Variants in TANGO2 observed in about 807,000 individuals in gnomAD.
The protein encoded by TANGO2 is transport and golgi organization 2 homolog.
Under a neutral mutation model 39.1 loss-of-function variants are expected in TANGO2, and 26 were observed. The observed-to-expected ratio is 0.67, with a 90% CI of 0.49 to 0.92. The LOEUF (loss-of-function observed/expected upper bound fraction) is 0.92, where lower values mean the gene tolerates loss of function less well. Among genes scored for constraint, TANGO2 ranks in the 40% least tolerant of loss-of-function variants. The probability of loss-of-function intolerance (pLI) is 0.00; values close to 1 mark genes in which losing one functional copy is unlikely to be tolerated. For missense variants in TANGO2, 326 were observed against 360.1 expected, an observed-to-expected ratio of 0.91 and a Z score of 0.77; for synonymous variants, 131 against 144.5, an observed-to-expected ratio of 0.91 and a Z score of 0.67.
chr22:20,044,183 G>A (rs2044609865), intron 3 of TANGO2, among the ~76,000 whole-genome samples: 1 of 152,184 alleles, frequency 6.6e-6, no homozygotes, highest in Non-Finnish European at 1.5e-5. Flanking sequence ...CAGGCCAGAT[G>A]TGTGACCTCG....
At chr22:20,036,154 A>G (rs1442055980) in intron 1 of TANGO2, among the ~76,000 whole-genome samples, 1 of 152,194 alleles carries the variant, frequency 6.6e-6, no homozygotes, top group African/African-American at 2.4e-5. Flanking sequence ...AAAATACAGC[A>G]AGACAAGCCC....
Position 20,028,479 on chromosome 22 carries a change from C to T in TANGO2, c.-40+7233C>T, listed in dbSNP as rs564507240. ...AGAATGTGCTCCTGGGTGACCTGAGCGATGGTATTAACAACTATGGGTCCC... is the reference window on the plus strand; with the variant it reads ...AGAATGTGCTCCTGGGTGACCTGAGTGATGGTATTAACAACTATGGGTCCC... On this transcript the variant is annotated intron_variant, in intron 1 of 8. Coordinates refer to ENST00000327374, the MANE Select transcript of TANGO2 (RefSeq NM_152906.7). Among the ~76,000 whole-genome samples the T allele has an allele frequency of 7.2e-5, 11 of 152,310 alleles. 1 individual carries two copies. Among genetic ancestry groups the T allele is most frequent in the East Asian group, 3.9e-4 (2 of 5,190 alleles).
intron 1 of TANGO2, among the ~76,000 whole-genome samples, chr22:20,021,494 G>A (rs1419163570): frequency 7.9e-5 from 12 of 152,212 alleles, no homozygotes; most frequent in Admixed American, 7.8e-4. Flanking sequence ...GTCCCTGCAG[G>A]GTGTGTGGGC....
chr22:20,027,714 CCTT>C (rs2041049416), intron 1 of TANGO2, among the ~76,000 whole-genome samples: 1 of 152,212 alleles, frequency 6.6e-6, no homozygotes, highest in East Asian at 1.9e-4. Context: ...CTCGAGCAAT[CCTT>C]CTGCCTCAGC....
chr22:20,061,709 G>C, intron 7 of TANGO2, 26 bp downstream of exon 7: 1 of 1,524,624 alleles, frequency 6.6e-7, no homozygotes, highest in Non-Finnish European at 8.8e-7. Context: ...CTGCTGGGGT[G>C]AGCCCCAGTG....
chr22:20,042,516 CCGCCTCGGAGGCCG>C (rs1173558856), intron 2 of TANGO2, among the ~76,000 whole-genome samples: 5 of 152,148 alleles, frequency 3.3e-5, no homozygotes, highest in African/African-American at 1.2e-4. Flanking sequence ...CTGTAATCCT[CCGCCTCGGAGGCCG>C]AGGCGGGTAG....
At position 20,052,530 on chromosome 22, in the gene TANGO2, G is replaced by T. The variant is rs1326069726; in HGVS notation, c.211G>T (p.Ala71Ser). 3.1e-6 allele frequency: 5 copies of T among 1,604,624 alleles called. No individual in the cohort carries two copies. The highest frequency in any genetic ancestry group is 8.5e-7 in the Non-Finnish European group (1 of 1,175,982). ...WLGISTRGKL[A>S]ALTNYLQPQL... ...GGGCATCAGCACACGTGGCAAGCTG[G>T]CAGCACTCACCAACTACCTGCAGCC... Residue 71 changes from alanine (A) to serine (S), a missense_variant, in exon 4 of 9, where the codon GCA (alanine) becomes TCA (serine). Ala to Ser is a moderately conservative substitution (Grantham distance 99). Transcript: ENST00000327374.
chr22:20,055,358 C>T (rs2047142721), intron 5 of TANGO2: 1 of 157,278 alleles, frequency 6.4e-6, no homozygotes, highest in African/African-American at 2.4e-5. Flanking sequence ...CTCCTGGCCT[C>T]AAGCAGTCCT....
intron 6 of TANGO2, 147 bp downstream of exon 6, chr22:20,056,160 TTGCCCTGCACC>T: frequency 1.4e-6 from 1 of 733,680 alleles, no homozygotes; most frequent in South Asian, 1.5e-5. Flanking sequence ...TGTGGGCACC[TTGCCCTGCACC>T]TGGACACTTC....
At chr22:20,017,409 C>T (rs772339293), upstream of TANGO2, among the ~76,000 whole-genome samples, 35 of 152,122 alleles carry the variant, frequency 2.3e-4, no homozygotes, top group Non-Finnish European at 4.3e-4. Flanking sequence ...CCTGGGTCCC[C>T]GCAGCGGGGA....
At chr22:20,062,272 G>A (rs2048526021) in intron 7 of TANGO2, among the ~76,000 whole-genome samples, 1 of 152,134 alleles carries the variant, frequency 6.6e-6, no homozygotes, top group Non-Finnish European at 1.5e-5. Flanking sequence ...GGGGGTCCTG[G>A]TGCTTGCCAT....
rs1281106775 is a variant in TANGO2, at chr22:20,066,306, C to T, written c.*1644C>T. 6.6e-6 allele frequency: 1 copy of T among 152,306 alleles called. No homozygotes were observed. Among genetic ancestry groups the T allele is most frequent in the Non-Finnish European group, 1.5e-5 (1 of 68,124 alleles). 9.4% of individuals were successfully genotyped at this position (152,306 alleles called of 1,614,324 possible). ...GCCCCAGGAGCTCCTGGTTTGGGGC[C>T]AGCTCTAAGGAGCTTCATCCCTGAG... On this transcript the variant is annotated 3_prime_UTR_variant, in exon 9 of 9. Coordinates refer to ENST00000327374, the MANE Select transcript of TANGO2 (RefSeq NM_152906.7).
chr22:20,030,807 A>G (rs572378080), intron 1 of TANGO2, among the ~76,000 whole-genome samples: 3 of 152,280 alleles, frequency 2.0e-5, no homozygotes, highest in Non-Finnish European at 2.9e-5. Context: ...CACTTATACT[A>G]CCCAGTCATT....
chr22:20,053,712 G>T (rs781272776), intron 5 of TANGO2, 161 bp downstream of exon 5: 4 of 667,598 alleles, frequency 6.0e-6, no homozygotes, highest in Non-Finnish European at 1.1e-5. Flanking sequence ...GCCTGTCACA[G>T]ATGTACCAAC....
intron 6 of TANGO2, chr22:20,061,263 T>C (rs1181517549): frequency 5.6e-6 from 2 of 354,004 alleles, no homozygotes; most frequent in Non-Finnish European, 1.0e-5. Context: ...TTCTTATTCA[T>C]CCATCCATCG....
At chr22:20,056,930 C>T (rs181258449) in intron 6 of TANGO2, 65 of 456,570 alleles carry the variant, frequency 1.4e-4, no homozygotes, top group African/African-American at 5.4e-4. Flanking sequence ...CAGGGTGTTC[C>T]GGCGCCTGGG....
rs190713436 is a variant in TANGO2, at chr22:20,035,145, A to C, written c.-39-1615A>C. On this transcript the variant is annotated intron_variant, in intron 1 of 8. Coordinates refer to ENST00000327374, the MANE Select transcript of TANGO2 (RefSeq NM_152906.7). ...TATGCAGAGTGGTGGCCAGCAGACC[A>C]TCTCAAATGGCTGCCCATCCCCCTG... Among the ~76,000 whole-genome samples, 225 of 152,302 alleles carry C rather than the reference A, an allele frequency of 1.5e-3. 1 individual carries two copies. Among genetic ancestry groups the C allele is most frequent in the African/African-American group, 5.3e-3 (221 of 41,564 alleles).
Position 20,036,804 on chromosome 22 carries a change from C to T in TANGO2, c.6C>T (p.Cys2=), listed in dbSNP as rs527905068. Reference sequence around the variant, plus strand: ...CAGAGCCGCCCTGCACCACCATGTGCATCATCTTCTTTAAGTTTGATCCTC... The same window carrying T: ...CAGAGCCGCCCTGCACCACCATGTGTATCATCTTCTTTAAGTTTGATCCTC... The part of the protein sequence containing the change: M[C]IIFFKFDPRP... Residue 2 remains cysteine, a synonymous_variant, in exon 2 of 9, where the codon TGC becomes TGT. Coordinates refer to ENST00000327374, the MANE Select transcript of TANGO2 (RefSeq NM_152906.7). 7 of 1,614,240 alleles carry T rather than the reference C, an allele frequency of 4.3e-6. No homozygotes were observed. In the African/African-American group the frequency reaches 9.3e-5, roughly 22 times the overall value.
chr22:20,056,107 C>T lies in TANGO2; in HGVS notation c.451+94C>T, dbSNP rs76926687. The T allele has an allele frequency of 0.012, 12,634 of 1,024,306 alleles. 127 individuals carry two copies. The highest frequency in any genetic ancestry group is 0.016 in the Non-Finnish European group (10,729 of 651,020). The allele number at this position is 1,024,306 out of a possible 1,614,324, so 63.5% of individuals were successfully genotyped here. A position where few individuals can be genotyped will look rare whatever the true frequency, so the allele number is the denominator to read the frequency against. ...TAGAGACCAGGCACTTGTCATATTACTCTTCTGAGATGACTTTGTGGCCAT... is the reference window on the plus strand; with the variant it reads ...TAGAGACCAGGCACTTGTCATATTATTCTTCTGAGATGACTTTGTGGCCAT... On this transcript the variant is annotated intron_variant, in intron 6 of 8. Coordinates refer to ENST00000327374, the MANE Select transcript of TANGO2 (RefSeq NM_152906.7).
Sources: allele counts gnomAD v4.1 joint callset (sites outside exome capture counted in the v4.1 genomes callset), GRCh38; gene constraint gnomAD v4.1.1; transcripts MANE v1.5; gene names NCBI Gene and HGNC (gene_info 2026-07-23, HGNC 2026-07-21).